Variants in TAFA4 observed in about 807,000 individuals in gnomAD.
The protein encoded by TAFA4 is chemokine-like protein TAFA-4.
In TAFA4, 20 loss-of-function variants were observed where a neutral mutation model predicts 21.1. The observed-to-expected ratio is 0.95, with a 90% CI of 0.67 to 1.38. The LOEUF is 1.38. TAFA4 is among the 40% of genes most tolerant of loss of function. The pLI is 0.00. For synonymous variants in TAFA4, 71 were observed against 67.4 expected (o/e 1.05, Z -0.26); for missense variants, 211 against 180.9 (o/e 1.17, Z -0.95).
chr3:68,770,744 A>G (rs558973121), intron 3 of TAFA4, among the ~76,000 whole-genome samples: 4 of 152,282 alleles, frequency 2.6e-5, no homozygotes, highest in South Asian at 4.1e-4. Context: ...TGTGCAACCC[A>G]TCTCTTACTG....
intron 1 of TAFA4, among the ~76,000 whole-genome samples, chr3:68,900,663 A>C (rs993473864): frequency 6.6e-6 from 1 of 152,164 alleles, no homozygotes; most frequent in African/African-American, 2.4e-5. Context: ...GGCAAAGATC[A>C]GGCCTCTTCT....
chr3:68,744,799 C>G (rs1331658055), intron 4 of TAFA4, among the ~76,000 whole-genome samples: 1 of 152,156 alleles, frequency 6.6e-6, no homozygotes, highest in East Asian at 1.9e-4. Flanking sequence ...AAGACCAAGA[C>G]AGAACTCTTA....
In TAFA4 at chr3:68,825,260, G is replaced by C. The variant is rs545677037; in HGVS notation, c.130+55470C>G. Among the ~76,000 whole-genome samples the C allele has an allele frequency of 1.3e-4, 20 of 152,220 alleles. No individual in the cohort carries two copies. In the South Asian group the frequency reaches 3.9e-3, roughly 30 times the overall value. ...TCTGTTCCTGTGTTAGTTTGCTGAGGATAATGACCTCCAGCTCCATCCACA... is the reference window on the plus strand; with the variant it reads ...TCTGTTCCTGTGTTAGTTTGCTGAGCATAATGACCTCCAGCTCCATCCACA... On this transcript the variant is annotated intron_variant, in intron 3 of 5. Transcript: ENST00000295569.
intron 3 of TAFA4, among the ~76,000 whole-genome samples, chr3:68,809,973 G>C (rs889473565): frequency 3.9e-5 from 6 of 152,162 alleles, no homozygotes; most frequent in African/African-American, 1.2e-4. Flanking sequence ...GCTTGTAGCA[G>C]ATTTTCAAAT....
At chr3:68,819,821 T>G (rs906997368) in intron 3 of TAFA4, among the ~76,000 whole-genome samples, 1 of 152,180 alleles carries the variant, frequency 6.6e-6, no homozygotes, top group African/African-American at 2.4e-5. Flanking sequence ...AGGGAACGCT[T>G]ACACACTGTT....
chr3:68,815,709 G>A (rs1425073837), intron 3 of TAFA4, among the ~76,000 whole-genome samples: 1 of 152,194 alleles, frequency 6.6e-6, no homozygotes, highest in Non-Finnish European at 1.5e-5. Flanking sequence ...CTTTTACACT[G>A]TTGGTGGGAC....
intron 3 of TAFA4, among the ~76,000 whole-genome samples, chr3:68,803,094 C>G (rs1053947117): frequency 6.6e-6 from 1 of 152,072 alleles, no homozygotes; most frequent in Non-Finnish European, 1.5e-5. Flanking sequence ...AAATGTCCTT[C>G]GTTGCCAAAT....
intron 3 of TAFA4, among the ~76,000 whole-genome samples, chr3:68,830,698 C>A (rs1320412378): frequency 6.6e-6 from 1 of 152,082 alleles, no homozygotes; most frequent in Non-Finnish European, 1.5e-5. Context: ...TAGAGGTCTA[C>A]TAGGTCCACT....
chr3:68,915,488 A>T (rs1003155868), intron 1 of TAFA4, among the ~76,000 whole-genome samples: 1 of 152,220 alleles, frequency 6.6e-6, no homozygotes, highest in Admixed American at 6.5e-5. Context: ...AGAAACATTT[A>T]GGGTCATTGT....
chr3:68,898,325 A>G (rs573934758), intron 1 of TAFA4, among the ~76,000 whole-genome samples: 46 of 152,340 alleles, frequency 3.0e-4, no homozygotes, highest in African/African-American at 9.6e-4. Flanking sequence ...AGTCAAGAGA[A>G]GAGAATCAAA....
chr3:68,794,532 C>A (rs1049507141), intron 3 of TAFA4, among the ~76,000 whole-genome samples: 1 of 152,156 alleles, frequency 6.6e-6, no homozygotes, highest in Non-Finnish European at 1.5e-5. Context: ...CAGCTCTCCC[C>A]TCTCCTTAGC....
intron 3 of TAFA4, among the ~76,000 whole-genome samples, chr3:68,796,131 C>G (rs879603407): frequency 1.3e-5 from 2 of 152,122 alleles, no homozygotes; most frequent in African/African-American, 2.4e-5. Context: ...GCCATCACCA[C>G]TGGACTGCAC....
Position 68,733,155 on chromosome 3 carries a change from T to C in TAFA4, c.412-2A>G. On this transcript the variant is annotated splice_acceptor_variant, in intron 5 of 5. Coordinates refer to ENST00000295569, the MANE Select transcript of TAFA4 (RefSeq NM_182522.5). LOFTEE classifies it high-confidence loss of function. ...CCTCTCTCTTCGCTACCGCGTTACC[T>C]AAAACAAATCAAAATAAGGGAACAT... The C allele has an allele frequency of 6.2e-7, 1 of 1,612,970 alleles. No homozygotes were observed. The highest frequency in any genetic ancestry group is 1.3e-5 in the African/African-American group (1 of 74,928).
chr3:68,925,726 C>G (rs779342823), intron 1 of TAFA4, among the ~76,000 whole-genome samples: 2 of 152,170 alleles, frequency 1.3e-5, no homozygotes, highest in Non-Finnish European at 2.9e-5. Flanking sequence ...ACATATAGCT[C>G]TCTTCACTGA....
chr3:68,743,831 C>T (rs1176908080), intron 4 of TAFA4, among the ~76,000 whole-genome samples: 2 of 152,074 alleles, frequency 1.3e-5, no homozygotes, highest in African/African-American at 2.4e-5. Flanking sequence ...CTTCTCTATC[C>T]AGTAGTCTTT....
intron 1 of TAFA4, among the ~76,000 whole-genome samples, chr3:68,923,312 T>C (rs1379130801): frequency 1.3e-5 from 2 of 152,182 alleles, no homozygotes; most frequent in Non-Finnish European, 2.9e-5. Flanking sequence ...TTGTTAATTC[T>C]ATAAAGTGAC....
chr3:68,759,031 G>A (rs72922898), intron 3 of TAFA4, among the ~76,000 whole-genome samples: 2,511 of 152,274 alleles, frequency 0.016, 77 homozygotes, highest in African/African-American at 0.058. Flanking sequence ...AGAACCAGGA[G>A]AGCCAATGGT....
chr3:68,885,258 T>C lies in TAFA4; in HGVS notation c.-70A>G. On this transcript the variant is annotated 5_prime_UTR_variant, in exon 2 of 6. Transcript: ENST00000295569. ...AGAGTGACTCCAAATTCCCATCTGT[T>C]GCTAGAACCAATCATTTCTGCCGTT... 1 of 1,492,386 alleles carries C rather than the reference T, an allele frequency of 6.7e-7. No homozygotes were observed. Among genetic ancestry groups the C allele is most frequent in the South Asian group, 1.2e-5 (1 of 84,142 alleles). 92.4% of individuals were successfully genotyped at this position (1,492,386 alleles called of 1,614,324 possible).
chr3:68,733,481 A>G (rs1350997260), intron 5 of TAFA4, among the ~76,000 whole-genome samples: 1 of 152,172 alleles, frequency 6.6e-6, no homozygotes, highest in Admixed American at 6.5e-5. Context: ...TGGCACTAGA[A>G]TTTTTTCAAA....
Sources: gnomAD v4.1 joint callset for allele counts (sites outside exome capture counted in the v4.1 genomes callset) on GRCh38, gnomAD v4.1.1 for gene constraint, MANE v1.5 for transcripts, NCBI Gene and HGNC (gene_info 2026-07-23, HGNC 2026-07-21) for gene names.